The following FAM135B variants were observed in gnomAD, a reference collection of about 807,000 sequenced individuals.
The protein encoded by FAM135B is family with sequence similarity 135 member B, also known as protein FAM135B.
In FAM135B, 43 loss-of-function variants were observed where a neutral mutation model predicts 127.7. The ratio of observed to expected loss-of-function variants is 0.34; its 90% CI spans 0.26 to 0.43. The LOEUF is 0.43. Among genes scored for constraint, FAM135B ranks in the 20% least tolerant of loss-of-function variants. The pLI, the probability that FAM135B is intolerant of heterozygous loss-of-function variation, is 1.00. For missense variants in FAM135B, 1,558 were observed against 1,725.6 expected (o/e 0.90, Z 1.72); for synonymous variants, 670 against 665.1 (o/e 1.01, Z -0.11).
intron 7 of FAM135B, among the ~76,000 whole-genome samples, chr8:138,202,448 A>T (rs1817214741): frequency 6.6e-6 from 1 of 152,054 alleles, no homozygotes; most frequent in Non-Finnish European, 1.5e-5. Context: ...ATGAGGTTTC[A>T]CGATGTTGCC....
At chr8:138,251,269 A>T (rs1370088152) in intron 5 of FAM135B, among the ~76,000 whole-genome samples, 1 of 152,206 alleles carries the variant, frequency 6.6e-6, no homozygotes, top group Non-Finnish European at 1.5e-5. Flanking sequence ...TGTCACGGAC[A>T]TCAAGTTCAT....
intron 1 of FAM135B, among the ~76,000 whole-genome samples, chr8:138,435,249 A>G (rs548673026): frequency 3.9e-5 from 6 of 152,280 alleles, no homozygotes; most frequent in African/African-American, 1.4e-4. Context: ...GTGAGCCAAG[A>G]TAGCTCCATT....
chr8:138,243,018 G>A lies in FAM135B; in HGVS notation c.593C>T (p.Thr198Ile). The A allele has an allele frequency of 6.2e-7, 1 of 1,613,854 alleles. No homozygotes were observed. ...GSWLGKGGPD[T>I]GQEQSIISLE... ...AGAAATGATAGACTGTTCTTGTCCG[G>A]TGTCTGGGCCACCTTTACCAAGCCA... The change falls in exon 7 of 20, where the codon ACC becomes ATC. Residue 198 changes from threonine (T) to isoleucine (I), a missense_variant. Physicochemically the swap from Thr to Ile is moderately conservative, Grantham distance 89. This residue lies in a region of FAM135B where 127 missense variants were observed against 109.7 expected (regional missense o/e 1.16). Coordinates refer to ENST00000395297, the MANE Select transcript of FAM135B (RefSeq NM_015912.4). This position sits in a 1 kb window ranked among gnomAD's most constrained non-coding sequence, Gnocchi z 7.5.
intron 1 of FAM135B, among the ~76,000 whole-genome samples, chr8:138,383,866 T>C (rs1832023621): frequency 6.6e-6 from 1 of 152,174 alleles, no homozygotes; most frequent in Non-Finnish European, 1.5e-5. Flanking sequence ...ACCACGCCCA[T>C]CCTCTGTCTT....
At chr8:138,335,274 G>T (rs1015782403) in intron 2 of FAM135B, among the ~76,000 whole-genome samples, 2 of 152,136 alleles carry the variant, frequency 1.3e-5, no homozygotes, top group African/African-American at 4.8e-5. Flanking sequence ...GGAAGAACCC[G>T]CTGCACTCAG....
At chr8:138,402,304 G>C (rs1833200147) in intron 1 of FAM135B, among the ~76,000 whole-genome samples, 1 of 152,078 alleles carries the variant, frequency 6.6e-6, no homozygotes, top group African/African-American at 2.4e-5. Flanking sequence ...TAATGACAAG[G>C]GATTTCTCAG....
rs2130691344 is a variant in FAM135B, at chr8:138,148,596, TG to T, written c.3371del (p.Pro1124HisfsTer35). 1 of 1,613,080 alleles carries T rather than the reference TG, an allele frequency of 6.2e-7. No homozygotes were observed. The highest frequency in any genetic ancestry group is 8.5e-7 in the Non-Finnish European group (1 of 1,179,068). ...SDLTVLASDI[P>X]YFPPEEEEEN... ...CTTCCTCTTCCTCTGGTGGGAAATA[TG>T]GTATATCAGAAGCTAGTACAGTTAA... On this transcript the variant is annotated frameshift_variant, in exon 14 of 20. Transcript: ENST00000395297. LOFTEE classifies it high-confidence loss of function.
Position 138,151,584 on chromosome 8 carries a change from T to C in FAM135B, c.2891A>G (p.Asp964Gly). The change falls in exon 13 of 20, where the codon GAT (aspartate) becomes GGT (glycine). Residue 964 changes from aspartate (D) to glycine (G), a missense_variant. Transcript: ENST00000395297. ...CACTCCTCTATTAAATGCTGTGTCA[T>C]CCATAATGCAAGGTGAACCGCTTTG... ...QSQSGSPCIM[D>G]DTAFNRGVNA... is the part of the protein sequence containing the mutation. The C allele has an allele frequency of 6.2e-7, 1 of 1,614,186 alleles. No homozygotes were observed.
intron 1 of FAM135B, among the ~76,000 whole-genome samples, chr8:138,370,713 G>C (rs1425798544): frequency 6.6e-6 from 1 of 152,166 alleles, no homozygotes; most frequent in African/African-American, 2.4e-5. Context: ...GCCTCCCAAA[G>C]TGCTGGGATT....
intron 2 of FAM135B, among the ~76,000 whole-genome samples, chr8:138,356,806 T>A (rs1830119786): frequency 2.0e-5 from 3 of 152,174 alleles, no homozygotes; most frequent in Admixed American, 2.0e-4. Flanking sequence ...GAATGGAAGA[T>A]TTGTAGACAT....
intron 18 of FAM135B, 124 bp from the exon 19 acceptor site, chr8:138,137,384 T>C (rs1477931719): frequency 9.0e-6 from 6 of 669,772 alleles, no homozygotes; most frequent in Non-Finnish European, 1.6e-5. Flanking sequence ...CACCACACAC[T>C]AGTGTCATCA....
Position 138,241,134 on chromosome 8 carries a change from C to T in FAM135B, c.669+1808G>A, listed in dbSNP as rs1820734768. ...TAGTCACAGCAAAGGCTTCGGCCGA[C>T]CACGGGGAGCTTTGCCTCAGTGATG... On this transcript the variant is annotated intron_variant, in intron 7 of 19. Transcript: ENST00000395297. The surrounding 1 kb of genome is among the most constrained non-coding windows in gnomAD (Gnocchi z 4.8). Among the ~76,000 whole-genome samples the T allele has an allele frequency of 6.6e-6, 1 of 152,172 alleles. No homozygotes were observed. The highest frequency in any genetic ancestry group is 2.1e-4 in the South Asian group (1 of 4,824).
At chr8:138,306,128 C>T (rs962964730) in intron 3 of FAM135B, among the ~76,000 whole-genome samples, 3 of 152,108 alleles carry the variant, frequency 2.0e-5, no homozygotes, top group Non-Finnish European at 4.4e-5. Flanking sequence ...TATTGGCAGG[C>T]CTCCTCTTAG....
chr8:138,166,173 G>A (rs7835663), intron 12 of FAM135B, among the ~76,000 whole-genome samples: 89,395 of 151,448 alleles, frequency 0.59, 26,551 homozygotes, highest in East Asian at 0.81. Context: ...TTGAGTTTGT[G>A]AGGTTGTTTA....
At chr8:138,204,561 G>A (rs4909753) in intron 7 of FAM135B, among the ~76,000 whole-genome samples, 109,315 of 152,042 alleles carry the variant, frequency 0.72, 39,509 homozygotes, top group East Asian at 0.82. Context: ...TGGCACGACA[G>A]TGTAGACTTG....
chr8:138,141,728 T>C lies in FAM135B; in HGVS notation c.3639-379A>G, dbSNP rs1419188417. On this transcript the variant is annotated intron_variant, in intron 16 of 19. Coordinates refer to ENST00000395297, the MANE Select transcript of FAM135B (RefSeq NM_015912.4). The surrounding 1 kb of genome is among the most constrained non-coding windows in gnomAD (Gnocchi z 4.7). ...ATCAAGTCCCAAGTCCTTATCCTGC[T>C]TGGGAGGCCATTCATATACGGATGG... Among the ~76,000 whole-genome samples, 3 of 152,156 alleles carry C rather than the reference T, an allele frequency of 2.0e-5. No individual in the cohort carries two copies. The highest frequency in any genetic ancestry group is 4.4e-5 in the Non-Finnish European group (3 of 68,030).
At chr8:138,428,825 A>G (rs1316585674) in intron 1 of FAM135B, among the ~76,000 whole-genome samples, 1 of 152,168 alleles carries the variant, frequency 6.6e-6, no homozygotes, top group African/African-American at 2.4e-5. Flanking sequence ...TTTTGGATGC[A>G]GGCTTCTATT....
Position 138,151,402 on chromosome 8 carries a change from G to A in FAM135B, c.3073C>T (p.Leu1025=), listed in dbSNP as rs371518373. 1 of 1,613,826 alleles carries A rather than the reference G, an allele frequency of 6.2e-7. No individual in the cohort carries two copies. Among genetic ancestry groups the A allele is most frequent in the Non-Finnish European group, 8.5e-7 (1 of 1,179,940 alleles). ...AAGTTCACAACCTCCACAGCCTTCA[G>A]GCTGTCCAGAGTAAAGGTCTCTGCA... is the stretch of plus-strand genomic sequence containing the variant. ...TSAETFTLDS[L]KAVEVVNLSV... Residue 1025 remains leucine (L), a synonymous_variant, in exon 13 of 20, where the codon CTG becomes TTG. Coordinates refer to ENST00000395297, the MANE Select transcript of FAM135B (RefSeq NM_015912.4).
At chr8:138,396,186 C>A (rs1446036291) in intron 1 of FAM135B, among the ~76,000 whole-genome samples, 1 of 152,176 alleles carries the variant, frequency 6.6e-6, no homozygotes, top group Non-Finnish European at 1.5e-5. Context: ...GGGTACAGAA[C>A]CTCTGAGGGC....
Sources: allele counts gnomAD v4.1 joint callset (sites outside exome capture counted in the v4.1 genomes callset), GRCh38; gene constraint gnomAD v4.1.1; regional missense constraint gnomAD v4.1.1; non-coding constraint Gnocchi (gnomAD v3.1); transcripts MANE v1.5; gene names NCBI Gene and HGNC (gene_info 2026-07-23, HGNC 2026-07-21).